Variants in KCNMA1 observed in about 807,000 individuals in gnomAD.
KCNMA1 encodes the protein potassium calcium-activated channel subfamily M alpha 1, also known as Calcium-activated potassium channel subunit alpha-1.
A neutral mutation model predicts 140.0 loss-of-function variants in KCNMA1; 29 were observed. The observed-to-expected ratio is 0.21, with a 90% CI of 0.15 to 0.28. The LOEUF (loss-of-function observed/expected upper bound fraction) is 0.28, where lower values mean the gene tolerates loss of function less well. Among genes scored for constraint, KCNMA1 ranks in the 10% least tolerant of loss-of-function variants. KCNMA1 has a pLI of 1.00. For synonymous variants in KCNMA1, 612 were observed against 611.9 expected, an observed-to-expected ratio of 1.00 and a Z score of 0.00; for missense variants, 880 against 1,602.2, an observed-to-expected ratio of 0.55 and a Z score of 7.70.
In KCNMA1 at chr10:76,941,069, A is replaced by G. The variant is rs192523636; in HGVS notation, c.2902+3704T>C. ...AGAAAGAAAGAGAAAGAAAGAAAGA[A>G]AAAGAAAGAAAGAAAGAGAAAGAAA... On this transcript the variant is annotated intron_variant, in intron 23 of 27. Coordinates refer to ENST00000286628, the MANE Select transcript of KCNMA1 (RefSeq NM_001161352.2). 8.5e-3 allele frequency among the ~76,000 whole-genome samples: 585 copies of G among 68,666 alleles called. 6 individuals carry two copies. The highest frequency in any genetic ancestry group is 0.024 in the African/African-American group (452 of 18,718). 45.0% of individuals were successfully genotyped at this position (68,666 alleles called of 152,430 possible).
chr10:77,521,694 A>T (rs2154550806), intron 1 of KCNMA1, among the ~76,000 whole-genome samples: 1 of 152,236 alleles, frequency 6.6e-6, no homozygotes, highest in Admixed American at 6.5e-5. Flanking sequence ...AAGCATCATC[A>T]TTTTTCTTAT....
intron 2 of KCNMA1, among the ~76,000 whole-genome samples, chr10:77,370,185 A>C (rs946149806): frequency 1.3e-5 from 2 of 152,162 alleles, no homozygotes; most frequent in African/African-American, 4.8e-5. Flanking sequence ...TTGGATGTGC[A>C]CCAACCCCAG....
At chr10:77,347,597 C>T (rs977482874) in intron 2 of KCNMA1, among the ~76,000 whole-genome samples, 10 of 152,104 alleles carry the variant, frequency 6.6e-5, no homozygotes, top group African/African-American at 1.2e-4. Flanking sequence ...GCCTCTTTAC[C>T]GCTCGGGTGT....
At chr10:77,416,414 C>T (rs2096742891) in intron 1 of KCNMA1, among the ~76,000 whole-genome samples, 1 of 152,190 alleles carries the variant, frequency 6.6e-6, no homozygotes, top group Non-Finnish European at 1.5e-5. Flanking sequence ...GCAGGAAATG[C>T]ACAGAACTAT....
intron 2 of KCNMA1, among the ~76,000 whole-genome samples, chr10:77,310,926 C>A (rs7087625): frequency 6.6e-6 from 1 of 152,194 alleles, no homozygotes; most frequent in African/African-American, 2.4e-5. Flanking sequence ...TTAAATATGT[C>A]TGAAGGCAAA....
At chr10:77,434,819 C>G (rs531562877) in intron 1 of KCNMA1, among the ~76,000 whole-genome samples, 1 of 152,310 alleles carries the variant, frequency 6.6e-6, no homozygotes, top group South Asian at 2.1e-4. Flanking sequence ...TTGGACTAAT[C>G]TAGAAGAAGG....
chr10:76,932,882 G>A (rs1456024414), intron 23 of KCNMA1, among the ~76,000 whole-genome samples: 2 of 152,206 alleles, frequency 1.3e-5, no homozygotes, highest in Non-Finnish European at 2.9e-5. Context: ...GCTCCCTGGA[G>A]CAGAAAGCAG....
intron 2 of KCNMA1, among the ~76,000 whole-genome samples, chr10:77,365,362 C>T (rs2094280006): frequency 6.6e-6 from 1 of 152,176 alleles, no homozygotes; most frequent in African/African-American, 2.4e-5. Context: ...TGTCTGGGGA[C>T]CTTCTGAAGA....
intron 2 of KCNMA1, among the ~76,000 whole-genome samples, chr10:77,350,153 C>T (rs765251948): frequency 6.6e-6 from 1 of 152,184 alleles, no homozygotes; most frequent in Admixed American, 6.5e-5. Flanking sequence ...CCAGCCACGG[C>T]CTCCCAAAGT....
At chr10:77,264,128 A>G (rs1409311331) in intron 2 of KCNMA1, among the ~76,000 whole-genome samples, 2 of 152,166 alleles carry the variant, frequency 1.3e-5, no homozygotes, top group Non-Finnish European at 1.5e-5. Flanking sequence ...AAACCTCTGC[A>G]TGTGTATTCG....
chr10:77,137,215 A>AAAACACAACAGC (rs1300530716), intron 5 of KCNMA1, among the ~76,000 whole-genome samples: 2 of 152,060 alleles, frequency 1.3e-5, no homozygotes, highest in African/African-American at 2.4e-5. Flanking sequence ...GACAAGACAG[A>AAAACACAACAGC]AAACACAACA....
chr10:77,018,904 G>A (rs1390307256), intron 17 of KCNMA1, 109 bp downstream of exon 17: 7 of 723,700 alleles, frequency 9.7e-6, no homozygotes, highest in Non-Finnish European at 1.8e-5. Flanking sequence ...CCAGTTGATG[G>A]CCATAGACAT....
At chr10:77,475,588 T>A (rs2098261494) in intron 1 of KCNMA1, among the ~76,000 whole-genome samples, 1 of 152,156 alleles carries the variant, frequency 6.6e-6, no homozygotes, top group Admixed American at 6.5e-5. Context: ...AAGGGGAGAT[T>A]AATGATGAAA....
At chr10:77,195,862 T>C (rs2040287428) in intron 3 of KCNMA1, among the ~76,000 whole-genome samples, 2 of 152,036 alleles carry the variant, frequency 1.3e-5, no homozygotes, top group African/African-American at 4.8e-5. Flanking sequence ...GGCAGGAGAA[T>C]GGTTTGAACT....
intron 1 of KCNMA1, among the ~76,000 whole-genome samples, chr10:77,552,161 G>A (rs1370773035): frequency 6.6e-6 from 1 of 152,204 alleles, no homozygotes; most frequent in African/African-American, 2.4e-5. Flanking sequence ...CAAGGGGAGA[G>A]CCCAGCCACT....
intron 19 of KCNMA1, among the ~76,000 whole-genome samples, chr10:76,986,288 T>G (rs1351649535): frequency 3.3e-5 from 5 of 152,370 alleles, no homozygotes; most frequent in African/African-American, 2.4e-5. Context: ...ATACACAATT[T>G]TGTTATTTCC....
intron 19 of KCNMA1, among the ~76,000 whole-genome samples, chr10:76,990,907 G>A (rs939031756): frequency 2.0e-5 from 3 of 152,204 alleles, no homozygotes; most frequent in African/African-American, 7.2e-5. Flanking sequence ...TCCTTGGCTT[G>A]AGCAGAACAA....
chr10:77,326,175 C>T (rs1416103952), intron 2 of KCNMA1, among the ~76,000 whole-genome samples: 1 of 152,160 alleles, frequency 6.6e-6, no homozygotes, highest in Non-Finnish European at 1.5e-5. Context: ...TCCCTCACTG[C>T]AAAAATCCTT....
intron 5 of KCNMA1, among the ~76,000 whole-genome samples, chr10:77,160,123 C>T (rs1301364302): frequency 6.6e-6 from 1 of 151,970 alleles, no homozygotes; most frequent in African/African-American, 2.4e-5. Context: ...CTCCTGTTCC[C>T]CTGCTCTTCT....
Sources: allele counts gnomAD v4.1 joint callset (sites outside exome capture counted in the v4.1 genomes callset), GRCh38; gene constraint gnomAD v4.1.1; transcripts MANE v1.5; gene names NCBI Gene and HGNC (gene_info 2026-07-23, HGNC 2026-07-21).